WDR27: variants seen among roughly 807,000 people sequenced by gnomAD.
WDR27 encodes WD repeat domain 27.
Under a neutral mutation model 114.4 loss-of-function variants are expected in WDR27, and 100 were observed. The ratio of observed to expected loss-of-function variants is 0.87; its 90% CI spans 0.74 to 1.03. The LOEUF (loss-of-function observed/expected upper bound fraction) is 1.03. WDR27 is among the 50% of genes least tolerant of loss of function. The probability of loss-of-function intolerance (pLI) is 0.00; values close to 1 mark genes in which losing one functional copy is unlikely to be tolerated. For synonymous variants in WDR27, 449 were observed against 423.1 expected (o/e 1.06, Z -0.75); for missense variants, 1,129 against 1,092.9 (o/e 1.03, Z -0.47).
intron 2 of WDR27, among the ~76,000 whole-genome samples, chr6:169,675,639 C>T (rs529986715): frequency 9.2e-5 from 14 of 152,100 alleles, no homozygotes; most frequent in South Asian, 2.1e-4. Flanking sequence ...CAACTCAAAG[C>T]GGGGGCTTCC....
chr6:169,506,001 A>C (rs1157643540), intron 25 of WDR27, among the ~76,000 whole-genome samples: 1 of 152,162 alleles, frequency 6.6e-6, no homozygotes, highest in Non-Finnish European at 1.5e-5. Flanking sequence ...AAACCCCCTA[A>C]ACTTTTAAAC....
chr6:169,668,704 G>A (rs906662779), intron 4 of WDR27: 4 of 153,838 alleles, frequency 2.6e-5, no homozygotes, highest in Non-Finnish European at 5.8e-5. Flanking sequence ...GTCAGTCATC[G>A]CCCTGAGAAT....
chr6:169,586,011 G>A (rs1039062308), intron 23 of WDR27, among the ~76,000 whole-genome samples: 1 of 152,158 alleles, frequency 6.6e-6, no homozygotes, highest in East Asian at 1.9e-4. Context: ...TCCGTGTCGT[G>A]AAAGACATCA....
chr6:169,601,136 G>A (rs1335351991), intron 23 of WDR27, among the ~76,000 whole-genome samples: 2 of 152,222 alleles, frequency 1.3e-5, no homozygotes, highest in Admixed American at 6.5e-5. Flanking sequence ...CTACAAGCCA[G>A]AAGAGAGTGG....
intron 16 of WDR27, among the ~76,000 whole-genome samples, chr6:169,645,404 G>C (rs1191405471): frequency 6.6e-6 from 1 of 150,862 alleles, no homozygotes; most frequent in African/African-American, 2.4e-5. Context: ...CTGTAGAAAA[G>C]CCTAGTTCAC....
the WDR27 span, among the ~76,000 whole-genome samples, chr6:169,439,429 C>T: frequency 6.6e-6 from 1 of 151,984 alleles, no homozygotes; most frequent in African/African-American, 2.4e-5. Flanking sequence ...CTAGTGGCAT[C>T]TGCAACAAGA....
At position 169,659,379 on chromosome 6, in the gene WDR27, A is replaced by G. The variant is rs147834639; in HGVS notation, c.1197+72T>C. ...TCCCGTTTACTCAGCCAGTCGTTAC[A>G]GGATCACTCTGAAGAAAGAAGAAAT... On this transcript the variant is annotated intron_variant, in intron 11 of 25. Coordinates refer to ENST00000448612, the MANE Select transcript of WDR27 (RefSeq NM_182552.5). This position sits in a 1 kb window ranked among gnomAD's most constrained non-coding sequence, Gnocchi z 4.3. The G allele has an allele frequency of 5.7e-3, 9,037 of 1,590,544 alleles. 42 individuals are homozygous for G. The highest frequency in any genetic ancestry group is 6.0e-3 in the Non-Finnish European group (6,971 of 1,164,220).
Position 169,529,767 on chromosome 6 carries a change from T to C in WDR27, c.2645+42652A>G, listed in dbSNP as rs1024529181. On this transcript the variant is annotated intron_variant, in intron 25 of 25. Transcript: ENST00000448612. ...TAAGCTTTTAAATTGTGGGGTTTTA[T>C]ATGTAGAAAATTACATTGTATCTTT... Among the ~76,000 whole-genome samples the C allele has an allele frequency of 3.9e-5, 6 of 152,218 alleles. No homozygotes were observed. In the South Asian group the frequency reaches 1.0e-3, roughly 26 times the overall value.
intron 25 of WDR27, among the ~76,000 whole-genome samples, chr6:169,541,530 G>A (rs1796853927): frequency 1.3e-5 from 2 of 152,230 alleles, no homozygotes. Flanking sequence ...AGCCAGCCTG[G>A]CCTTCAGGCA....
chr6:169,617,108 T>C (rs1281049132), intron 21 of WDR27, among the ~76,000 whole-genome samples: 4 of 152,166 alleles, frequency 2.6e-5, no homozygotes, highest in Non-Finnish European at 5.9e-5. Flanking sequence ...CTAGGGTTCG[T>C]TGCCTAGCAC....
chr6:169,435,360 A>T, the WDR27 span, among the ~76,000 whole-genome samples: 1 of 152,188 alleles, frequency 6.6e-6, no homozygotes, highest in East Asian at 1.9e-4. Context: ...CATCCTCCAG[A>T]CCCCGGAATG....
chr6:169,532,441 G>A (rs1795708520), intron 25 of WDR27, among the ~76,000 whole-genome samples: 1 of 151,968 alleles, frequency 6.6e-6, no homozygotes, highest in African/African-American at 2.4e-5. Context: ...ACAAATTATT[G>A]AATAAAGATC....
At position 169,638,082 on chromosome 6, in the gene WDR27, C is replaced by T. The variant is rs952310133; in HGVS notation, c.1869+457G>A. On this transcript the variant is annotated intron_variant, in intron 18 of 25. Coordinates refer to ENST00000448612, the MANE Select transcript of WDR27 (RefSeq NM_182552.5). The stretch of plus-strand genomic sequence containing the variant: ...CTGTAATCCCAGCACTTTGGGAGGC[C>T]GAGGCGGGTGGATCATGAGGTCAGG... 7.6e-5 allele frequency among the ~76,000 whole-genome samples: 6 copies of T among 78,940 alleles called. 1 individual carries two copies. The highest frequency in any genetic ancestry group is 2.0e-4 in the African/African-American group (2 of 9,980). 51.8% of individuals were successfully genotyped at this position (78,940 alleles called of 152,430 possible). A position where few individuals can be genotyped will look rare whatever the true frequency, so the allele number is the denominator to read the frequency against.
the WDR27 span, chr6:169,426,973 T>TGGGGGGGGGGG: frequency 5.7e-5 from 2 of 35,060 alleles, no homozygotes; most frequent in Non-Finnish European, 1.6e-4. Flanking sequence ...GTGGGGGCAG[T>TGGGGGGGGGGG]GGGGGGGGGG....
At chr6:169,551,347 G>A (rs1175897767) in intron 25 of WDR27, among the ~76,000 whole-genome samples, 2 of 152,088 alleles carry the variant, frequency 1.3e-5, no homozygotes, top group East Asian at 1.9e-4. Context: ...TCTGGGTTAC[G>A]TTTTTCACAG....
intron 24 of WDR27, among the ~76,000 whole-genome samples, chr6:169,573,326 A>C (rs1801751487): frequency 6.6e-6 from 1 of 152,210 alleles, no homozygotes; most frequent in South Asian, 2.1e-4. Context: ...CCAACTACCC[A>C]ATACAATATG....
intron 15 of WDR27, 24 bp downstream of exon 15, chr6:169,649,174 T>C (rs1475311129): frequency 6.4e-7 from 1 of 1,552,726 alleles, no homozygotes; most frequent in Non-Finnish European, 8.7e-7. Context: ...CAAATGTACT[T>C]GGAATGCACG....
At chr6:169,644,728 G>GTTCACATGAGTCACGCTGTAGAAAA (rs1156306667) in intron 16 of WDR27, among the ~76,000 whole-genome samples, 1 of 121,420 alleles carries the variant, frequency 8.2e-6, no homozygotes, top group Non-Finnish European at 1.6e-5. Context: ...GAAAATCCTA[G>GTTCACATGAGTCACGCTGTAGAAAA]GCCGGGCGCG....
In WDR27 at chr6:169,686,333, T is replaced by C. The variant is rs183701881; in HGVS notation, c.189+2484A>G. 3.4e-3 allele frequency among the ~76,000 whole-genome samples: 517 copies of C among 151,274 alleles called. 2 individuals are homozygous for C. The highest frequency in any genetic ancestry group is 4.3e-3 in the Non-Finnish European group (292 of 67,698). On this transcript the variant is annotated intron_variant, in intron 2 of 25. Coordinates refer to ENST00000448612, the MANE Select transcript of WDR27 (RefSeq NM_182552.5). ...ATAGAAAACCACCCAACTGAAAAAA[T>C]AAACAGTAAGAGAAGAAGTAACGAA... is the stretch of plus-strand genomic sequence containing the variant.
Sources: gnomAD v4.1 joint callset for allele counts (sites outside exome capture counted in the v4.1 genomes callset) on GRCh38, gnomAD v4.1.1 for gene constraint, Gnocchi (gnomAD v3.1) non-coding constraint, MANE v1.5 for transcripts, NCBI Gene and HGNC (gene_info 2026-07-23, HGNC 2026-07-21) for gene names.